The following IGLL1 variants were observed in gnomAD, a reference collection of about 807,000 sequenced individuals.
IGLL1 encodes immunoglobulin lambda-like polypeptide 1.
Under a neutral mutation model 10.5 loss-of-function variants are expected in IGLL1, and 10 were observed. The ratio of observed to expected loss-of-function variants is 0.95; its 90% CI spans 0.59 to 1.62. IGLL1 has a LOEUF of 1.62. Ranked by LOEUF, IGLL1 falls within the 40% of genes most tolerant of loss-of-function variation. IGLL1 has a pLI of 0.00. For synonymous variants in IGLL1, 141 were observed against 122.7 expected (o/e 1.15, Z -0.99); for missense variants, 284 against 278.7 (o/e 1.02, Z -0.14).
At chr22:23,576,689 C>T (rs182844063) in intron 1 of IGLL1, among the ~76,000 whole-genome samples, 1 of 152,320 alleles carries the variant, frequency 6.6e-6, no homozygotes, top group African/African-American at 2.4e-5. Context: ...ACCTTGGCCT[C>T]TCAAAGTGCT....
rs1924877596 is a variant in IGLL1, at chr22:23,573,360, G to A, written c.548C>T (p.Pro183Leu). 1.9e-6 allele frequency: 3 copies of A among 1,613,980 alleles called. No homozygotes were observed. The highest frequency in any genetic ancestry group is 1.3e-5 in the African/African-American group (1 of 74,892). ...GCTTCTGCGGGACCTCCACTGCTCG[G>A]GCGTCAGGCTCAGGTAGCTGCTGGC... ...YAASSYLSLTPEQWRSRRSYS... is the reference protein window; with the variant it reads ...YAASSYLSLTLEQWRSRRSYS... The change falls in exon 3 of 3, where the codon CCC (proline) becomes CTC (leucine). Residue 183 changes from proline to leucine, a missense_variant. Pro to Leu is a moderately conservative substitution (Grantham distance 98). Coordinates refer to ENST00000330377, the MANE Select transcript of IGLL1 (RefSeq NM_020070.4).
Position 23,579,155 on chromosome 22 carries a change from C to T in IGLL1, c.206+830G>A, listed in dbSNP as rs149239261. 5.1e-4 allele frequency among the ~76,000 whole-genome samples: 77 copies of T among 152,056 alleles called. 1 individual carries two copies. The East Asian group carries it at 0.014, about 28-fold the overall frequency. On this transcript the variant is annotated intron_variant, in intron 1 of 2. Transcript: ENST00000330377. The stretch of plus-strand genomic sequence containing the variant: ...TCTCCGGGCTCTATCCCCGTCTGCA[C>T]AAAGGGGATCACAGCAGGACCTGCC...
At chr22:23,574,168 C>T (rs1924938177) in intron 2 of IGLL1, among the ~76,000 whole-genome samples, 1 of 147,008 alleles carries the variant, frequency 6.8e-6, no homozygotes, top group South Asian at 2.1e-4. Flanking sequence ...TGGGGCACCG[C>T]AGCCCCCATG....
intron 1 of IGLL1, among the ~76,000 whole-genome samples, chr22:23,576,801 T>A (rs375132239): frequency 6.6e-6 from 1 of 152,202 alleles, no homozygotes; most frequent in Non-Finnish European, 1.5e-5. Context: ...TGGCACTAAG[T>A]ACATTCACAC....
intron 1 of IGLL1, among the ~76,000 whole-genome samples, chr22:23,577,603 T>C (rs945393531): frequency 6.7e-6 from 1 of 148,280 alleles, no homozygotes; most frequent in Non-Finnish European, 1.5e-5. Context: ...AGTGGTGGGA[T>C]CTCAGCTTAC....
At chr22:23,574,455 C>A (rs532041713) in intron 2 of IGLL1, among the ~76,000 whole-genome samples, 18 of 151,956 alleles carry the variant, frequency 1.2e-4, no homozygotes, top group Admixed American at 2.6e-4. Flanking sequence ...TGTCCCCATG[C>A]CCTGAAGACC....
At chr22:23,578,252 C>A (rs1362661505) in intron 1 of IGLL1, among the ~76,000 whole-genome samples, 2 of 152,174 alleles carry the variant, frequency 1.3e-5, no homozygotes. Context: ...CAACATAATA[C>A]CATTTTTTAT....
At chr22:23,574,668 G>A (rs1224637749) in intron 2 of IGLL1, among the ~76,000 whole-genome samples, 2 of 152,170 alleles carry the variant, frequency 1.3e-5, no homozygotes, top group Non-Finnish European at 2.9e-5. Context: ...ACCAGCCTCT[G>A]TCCCTCACTC....
At chr22:23,579,342 T>A (rs5996578) in intron 1 of IGLL1, among the ~76,000 whole-genome samples, 3 of 152,012 alleles carry the variant, frequency 2.0e-5, no homozygotes, top group Non-Finnish European at 4.4e-5. Flanking sequence ...GTGGTGGCAA[T>A]GGCTGAGGTC....
At chr22:23,575,262 C>T (rs557559342) in intron 1 of IGLL1, among the ~76,000 whole-genome samples, 180 bp from the exon 2 acceptor site, 1 of 152,276 alleles carries the variant, frequency 6.6e-6, no homozygotes, top group South Asian at 2.1e-4. Flanking sequence ...CTGATGGCAA[C>T]GCTGGGCCCA....
intron 2 of IGLL1, among the ~76,000 whole-genome samples, chr22:23,574,244 G>A (rs184263484): frequency 1.3e-4 from 19 of 151,868 alleles, no homozygotes; most frequent in South Asian, 2.1e-4. Flanking sequence ...CTGCACTCCC[G>A]TTTACTCCCC....
chr22:23,578,983 AAGAG>A (rs529642662), intron 1 of IGLL1, among the ~76,000 whole-genome samples: 4 of 151,922 alleles, frequency 2.6e-5, no homozygotes, highest in African/African-American at 9.7e-5. Flanking sequence ...AAAGAAAAAA[AAGAG>A]AGAAAAAGGG....
At chr22:23,575,111 A>G (rs931162630) in intron 1 of IGLL1, 29 bp from the exon 2 acceptor site, 3 of 1,513,074 alleles carry the variant, frequency 2.0e-6, no homozygotes, top group Middle Eastern at 1.7e-4. Flanking sequence ...ACAGGGCTGC[A>G]GTGTGTAGGC....
At chr22:23,578,517 T>C (rs1925172507) in intron 1 of IGLL1, among the ~76,000 whole-genome samples, 1 of 152,204 alleles carries the variant, frequency 6.6e-6, no homozygotes, top group South Asian at 2.1e-4. Context: ...CCTGCCACCA[T>C]GCTGACCCCG....
At chr22:23,579,408 C>A (rs1335906297) in intron 1 of IGLL1, among the ~76,000 whole-genome samples, 1 of 152,124 alleles carries the variant, frequency 6.6e-6, no homozygotes, top group Non-Finnish European at 1.5e-5. Flanking sequence ...TTTGGAGGCA[C>A]TTGCACCCTG....
chr22:23,576,944 C>T (rs1323175616), intron 1 of IGLL1, among the ~76,000 whole-genome samples: 1 of 152,066 alleles, frequency 6.6e-6, no homozygotes, highest in Non-Finnish European at 1.5e-5. Context: ...TACTTTTTGT[C>T]CAAGTGAATT....
At chr22:23,578,958 GA>G (rs1185118129) in intron 1 of IGLL1, among the ~76,000 whole-genome samples, 1 of 151,992 alleles carries the variant, frequency 6.6e-6, no homozygotes, top group Non-Finnish European at 1.5e-5. Flanking sequence ...GAAACTCTGT[GA>G]AACTTTATTT....
intron 1 of IGLL1, among the ~76,000 whole-genome samples, chr22:23,579,240 A>G (rs5996577): frequency 0.29 from 44,624 of 151,740 alleles, 11,029 homozygotes; most frequent in African/African-American, 0.67. Flanking sequence ...TGGGTATAAC[A>G]TGCACCAGTG....
intron 2 of IGLL1, among the ~76,000 whole-genome samples, chr22:23,573,846 C>CAG (rs1924917103): frequency 2.0e-5 from 3 of 152,078 alleles, no homozygotes; most frequent in Admixed American, 2.0e-4. Context: ...TCGGTTTCCC[C>CAG]GTGTGCACCC....
Sources: allele counts gnomAD v4.1 joint callset (sites outside exome capture counted in the v4.1 genomes callset), GRCh38; gene constraint gnomAD v4.1.1; transcripts MANE v1.5; gene names NCBI Gene and HGNC (gene_info 2026-07-23, HGNC 2026-07-21).